The following GLB1 variants were observed in gnomAD, a reference collection of about 807,000 sequenced individuals.
GLB1 encodes beta-galactosidase.
In GLB1, 56 loss-of-function variants were observed where a neutral mutation model predicts 74.0. The observed-to-expected ratio is 0.76, with a 90% CI of 0.61 to 0.94. GLB1 has a LOEUF of 0.94. GLB1 is among the 40% of genes least tolerant of loss of function. GLB1 has a pLI of 0.00. For missense variants in GLB1, 787 were observed against 845.5 expected, an observed-to-expected ratio of 0.93 and a Z score of 0.86; for synonymous variants, 323 against 323.6, an observed-to-expected ratio of 1.00 and a Z score of 0.02.
chr3:33,043,482 G>A (rs560837394), intron 10 of GLB1, among the ~76,000 whole-genome samples: 1 of 151,216 alleles, frequency 6.6e-6, no homozygotes, highest in Non-Finnish European at 1.5e-5. Context: ...AGAAGAGGGG[G>A]GAAAGAAATA....
chr3:33,026,460 C>T (rs551632916), intron 10 of GLB1, among the ~76,000 whole-genome samples: 40 of 152,266 alleles, frequency 2.6e-4, no homozygotes, highest in African/African-American at 9.6e-4. Context: ...ACAGCCCGGG[C>T]GCCATGAATG....
chr3:33,013,117 T>C (rs1287526275), intron 15 of GLB1, among the ~76,000 whole-genome samples: 2 of 152,146 alleles, frequency 1.3e-5, no homozygotes. Flanking sequence ...CTTGACATTT[T>C]CCCCTCCAAC....
intron 1 of GLB1, among the ~76,000 whole-genome samples, chr3:33,079,492 G>A (rs1296141313): frequency 6.6e-6 from 1 of 152,192 alleles, no homozygotes; most frequent in Non-Finnish European, 1.5e-5. Context: ...ATTGATAGAT[G>A]GAGGAATGGA....
rs1217503175 is a variant in GLB1 at position 33,051,780 on chromosome 3, C to A, written c.933G>T (p.Gly311=). Reference sequence around the variant, plus strand: ...TACCATTCCAATAGGCAAAATTGGTCCCACCTATAAACATGTACCTACAAG... The same window carrying A: ...TACCATTCCAATAGGCAAAATTGGTACCACCTATAAACATGTACCTACAAG... ...ASVNLYMFIG[G]TNFAYWNGAN... Residue 311 remains glycine, a synonymous_variant, in exon 9 of 16, where the codon GGG becomes GGT. Coordinates refer to ENST00000307363, the MANE Select transcript of GLB1 (RefSeq NM_000404.4). 3 of 1,614,096 alleles carry A rather than the reference C, an allele frequency of 1.9e-6. No individual in the cohort carries two copies. Among genetic ancestry groups the A allele is most frequent in the Non-Finnish European group, 2.5e-6 (3 of 1,180,008 alleles).
At position 33,089,870 on chromosome 3, in the gene GLB1, T is replaced by C. The variant is rs554797169; in HGVS notation, c.75+7141A>G. Among the ~76,000 whole-genome samples, 8 of 152,286 alleles carry C rather than the reference T, an allele frequency of 5.3e-5. No individual in the cohort carries two copies. The South Asian group carries it at 1.7e-3, about 32-fold the overall frequency. On this transcript the variant is annotated intron_variant, in intron 1 of 15. Transcript: ENST00000307363. ...AATATACCTAACACTGTTGAACTATTCACTTAAAAATGGTTAAGATCAACA... is the reference window on the plus strand; with the variant it reads ...AATATACCTAACACTGTTGAACTATCCACTTAAAAATGGTTAAGATCAACA...
chr3:32,998,814 G>A (rs1421411148), intron 15 of GLB1, among the ~76,000 whole-genome samples: 3 of 152,140 alleles, frequency 2.0e-5, no homozygotes, highest in South Asian at 2.1e-4. Flanking sequence ...TCCTCATCAC[G>A]TTCTGCAACA....
intron 5 of GLB1, among the ~76,000 whole-genome samples, chr3:33,060,661 T>C (rs4679097): frequency 0.15 from 21,875 of 150,326 alleles, 1,718 homozygotes; most frequent in Admixed American, 0.19. Flanking sequence ...TCATATACTC[T>C]AAAATAAACA....
At position 33,093,533 on chromosome 3, in the gene GLB1, C is replaced by T. The variant is rs1377426708; in HGVS notation, c.75+3478G>A. On this transcript the variant is annotated intron_variant, in intron 1 of 15. Transcript: ENST00000307363. This position sits in a 1 kb window ranked among gnomAD's most constrained non-coding sequence, Gnocchi z 6.0. ...CAAACATTTCCATCTTGGTCCTGCC[C>T]ACTGTGGGGCCCAAGTGAATGTCTG... is the stretch of plus-strand genomic sequence containing the variant. 6 of 1,614,096 alleles carry T rather than the reference C, an allele frequency of 3.7e-6. No homozygotes were observed. The Admixed American group carries it at 8.3e-5, about 22-fold the overall frequency.
chr3:33,063,614 G>C (rs1699538741), intron 5 of GLB1, among the ~76,000 whole-genome samples: 1 of 152,164 alleles, frequency 6.6e-6, no homozygotes, highest in South Asian at 2.1e-4. Context: ...GGGCAGAAAA[G>C]TTGTGAGCAG....
At chr3:32,980,371 G>A in the GLB1 span, among the ~76,000 whole-genome samples, 1 of 152,170 alleles carries the variant, frequency 6.6e-6, no homozygotes. Flanking sequence ...TCTTGAAGAT[G>A]TTTTGCTCAT....
the GLB1 span, among the ~76,000 whole-genome samples, chr3:32,987,243 T>C: frequency 6.6e-6 from 1 of 152,196 alleles, no homozygotes; most frequent in Non-Finnish European, 1.5e-5. Context: ...GAAATTAATG[T>C]GTGTGAGTTT....
intron 10 of GLB1, among the ~76,000 whole-genome samples, chr3:33,036,018 G>T (rs1698261787): frequency 6.6e-6 from 1 of 152,202 alleles, no homozygotes; most frequent in Non-Finnish European, 1.5e-5. Context: ...ATACCATACA[G>T]TGAGAAGAAG....
At chr3:33,051,606 A>G in intron 9 of GLB1, 152 bp downstream of exon 9, 4 of 1,019,952 alleles carry the variant, frequency 3.9e-6, no homozygotes, top group Non-Finnish European at 4.1e-6. Context: ...CTGTCTACAA[A>G]AAAAAAAAAA....
chr3:33,046,076 C>T (rs997560240), intron 10 of GLB1, 44 bp downstream of exon 10: 4 of 1,602,914 alleles, frequency 2.5e-6, no homozygotes, highest in Non-Finnish European at 2.6e-6. Flanking sequence ...TCAAAAGAGG[C>T]TCTGTCCAAG....
intron 1 of GLB1, among the ~76,000 whole-genome samples, chr3:33,095,242 T>G (rs1335845920): frequency 6.8e-6 from 1 of 147,758 alleles, no homozygotes; most frequent in Non-Finnish European, 1.5e-5. Flanking sequence ...AAAAGGAATA[T>G]TCTCTTAATT....
chr3:33,044,790 G>GT (rs1559397631), intron 10 of GLB1, among the ~76,000 whole-genome samples: 1 of 152,016 alleles, frequency 6.6e-6, no homozygotes, highest in Non-Finnish European at 1.5e-5. Context: ...GAAAACCTTT[G>GT]TTTTTTTAAC....
At chr3:33,095,483 C>G (rs1386017409) in intron 1 of GLB1, among the ~76,000 whole-genome samples, 4 of 152,114 alleles carry the variant, frequency 2.6e-5, no homozygotes, top group Non-Finnish European at 5.9e-5. Context: ...TAATGGAAAG[C>G]TAGACTGCTG....
intron 15 of GLB1, among the ~76,000 whole-genome samples, chr3:33,005,809 G>T (rs1424344348): frequency 6.6e-6 from 1 of 152,160 alleles, no homozygotes; most frequent in Non-Finnish European, 1.5e-5. Context: ...AATTTCAAAA[G>T]CAAGATGCAA....
chr3:32,963,642 T>TCATACC, the GLB1 span, among the ~76,000 whole-genome samples: 1 of 152,022 alleles, frequency 6.6e-6, no homozygotes, highest in South Asian at 2.1e-4. Context: ...TAACATATAC[T>TCATACC]ATGAAATATG....
Sources: allele counts gnomAD v4.1 joint callset (sites outside exome capture counted in the v4.1 genomes callset), GRCh38; gene constraint gnomAD v4.1.1; non-coding constraint Gnocchi (gnomAD v3.1); transcripts MANE v1.5; gene names NCBI Gene and HGNC (gene_info 2026-07-23, HGNC 2026-07-21).